The following SCHIP1 variants were observed in gnomAD, a reference collection of about 807,000 sequenced individuals.
SCHIP1 encodes schwannomin interacting protein 1, also known as schwannomin-interacting protein 1.
SCHIP1 carries 8 observed loss-of-function variants against 29.7 expected under a neutral mutation model. The observed-to-expected ratio is 0.27, with a 90% CI of 0.16 to 0.49. SCHIP1 has a LOEUF of 0.49. Among genes scored for constraint, SCHIP1 ranks in the 20% least tolerant of loss-of-function variants. The pLI is 0.99. For missense variants in SCHIP1, 193 were observed against 294.6 expected (o/e 0.66, Z 2.52); for synonymous variants, 76 against 94.9 (o/e 0.80, Z 1.16).
the SCHIP1 span, among the ~76,000 whole-genome samples, chr3:159,504,187 G>C: frequency 6.6e-5 from 10 of 152,158 alleles, no homozygotes; most frequent in Admixed American, 1.3e-4. Context: ...GTGAAAAGAT[G>C]AAATTATCAC....
At chr3:159,434,992 C>A in the SCHIP1 span, among the ~76,000 whole-genome samples, 1 of 152,096 alleles carries the variant, frequency 6.6e-6, no homozygotes, top group African/African-American at 2.4e-5. Context: ...TATCTATGAC[C>A]ACAGACCATG....
chr3:159,494,782 C>G, the SCHIP1 span, among the ~76,000 whole-genome samples: 1 of 152,106 alleles, frequency 6.6e-6, no homozygotes, highest in Admixed American at 6.5e-5. Context: ...GATAGCAAAG[C>G]CTGGCAGAGA....
chr3:159,628,135 G>T, the SCHIP1 span, among the ~76,000 whole-genome samples: 1 of 152,174 alleles, frequency 6.6e-6, no homozygotes, highest in African/African-American at 2.4e-5. Flanking sequence ...GTCTTGTAGA[G>T]CTGTGAGATC....
the SCHIP1 span, among the ~76,000 whole-genome samples, chr3:159,773,192 C>T: frequency 7.2e-5 from 11 of 152,188 alleles, 1 homozygote; most frequent in Admixed American, 6.5e-4. Flanking sequence ...TTGCTTGATG[C>T]TCCCTGTGCT....
the SCHIP1 span, among the ~76,000 whole-genome samples, chr3:159,586,146 G>A: frequency 6.6e-4 from 100 of 152,202 alleles, no homozygotes; most frequent in African/African-American, 2.0e-3. Context: ...AAAAAAATGT[G>A]TAAGGGATCA....
At chr3:159,309,416 T>C in the SCHIP1 span, among the ~76,000 whole-genome samples, 51,032 of 152,062 alleles carry the variant, frequency 0.34, 9,143 homozygotes, top group East Asian at 0.41. Context: ...GCTTCTGTGT[T>C]TCCTACTGCT....
the SCHIP1 span, among the ~76,000 whole-genome samples, chr3:159,310,527 A>G: frequency 2.0e-5 from 3 of 152,186 alleles, no homozygotes; most frequent in South Asian, 2.1e-4. Context: ...TGGCTTTTCC[A>G]AAGTATTTAA....
the SCHIP1 span, among the ~76,000 whole-genome samples, chr3:159,434,983 A>G: frequency 1.3e-5 from 2 of 152,132 alleles, no homozygotes; most frequent in Non-Finnish European, 2.9e-5. Context: ...AGAGTCAGTT[A>G]TCTATGACCA....
the SCHIP1 span, among the ~76,000 whole-genome samples, chr3:159,672,479 G>C: frequency 4.4e-3 from 665 of 152,292 alleles, 8 homozygotes; most frequent in Admixed American, 0.024. Context: ...GGAACTTAAA[G>C]CCCAGGTCAG....
the SCHIP1 span, among the ~76,000 whole-genome samples, chr3:159,477,304 C>G: frequency 1.3e-5 from 2 of 152,062 alleles, no homozygotes; most frequent in Admixed American, 6.6e-5. Flanking sequence ...GGATATATGA[C>G]AAGTAGTAAG....
the SCHIP1 span, among the ~76,000 whole-genome samples, chr3:159,515,961 T>C: frequency 6.8e-6 from 1 of 148,130 alleles, no homozygotes; most frequent in Admixed American, 6.8e-5. Context: ...AAGTGAAAAA[T>C]ACATAGCAAG....
At chr3:159,536,071 A>G in the SCHIP1 span, among the ~76,000 whole-genome samples, 4 of 152,218 alleles carry the variant, frequency 2.6e-5, no homozygotes, top group Admixed American at 2.6e-4. Flanking sequence ...CCATATTTCA[A>G]TTGCTCAATA....
the SCHIP1 span, among the ~76,000 whole-genome samples, chr3:159,626,230 CTAGATATATCTATCTATCTATA>C: frequency 6.2e-5 from 5 of 80,184 alleles, no homozygotes; most frequent in African/African-American, 5.0e-4. Context: ...ATATATATAT[CTAGATATATCTATCTATCTATA>C]TAGATAGATA....
At chr3:159,288,397 C>T in the SCHIP1 span, among the ~76,000 whole-genome samples, 1 of 152,166 alleles carries the variant, frequency 6.6e-6, no homozygotes, top group Non-Finnish European at 1.5e-5. Context: ...ATGAATATTA[C>T]CATTGAAATC....
chr3:159,495,088 G>A, the SCHIP1 span, among the ~76,000 whole-genome samples: 2 of 152,138 alleles, frequency 1.3e-5, no homozygotes, highest in Non-Finnish European at 1.5e-5. Context: ...AATAAGTTAG[G>A]CATTGATGGG....
the SCHIP1 span, among the ~76,000 whole-genome samples, chr3:159,373,383 T>C: frequency 1.3e-5 from 2 of 152,114 alleles, 1 homozygote; most frequent in Middle Eastern, 6.8e-3. Flanking sequence ...AATAATTAAA[T>C]CAAGCTAATA....
At chr3:159,365,754 C>T in the SCHIP1 span, among the ~76,000 whole-genome samples, 1 of 152,120 alleles carries the variant, frequency 6.6e-6, no homozygotes, top group Non-Finnish European at 1.5e-5. Context: ...TGCCCCTCAC[C>T]TCTAGTGACC....
chr3:159,876,881 A>T (rs1050305233), intron 2 of SCHIP1, among the ~76,000 whole-genome samples: 1 of 152,200 alleles, frequency 6.6e-6, no homozygotes, highest in African/African-American at 2.4e-5. Context: ...CTTCCAAGCC[A>T]TCGTCCCCCC....
chr3:159,532,013 G>A, the SCHIP1 span, among the ~76,000 whole-genome samples: 1 of 152,080 alleles, frequency 6.6e-6, no homozygotes, highest in African/African-American at 2.4e-5. Context: ...CAAAACAGAA[G>A]TATTGTTTTT....
Sources: allele counts gnomAD v4.1 joint callset (sites outside exome capture counted in the v4.1 genomes callset), GRCh38; gene constraint gnomAD v4.1.1; transcripts MANE v1.5; gene names NCBI Gene and HGNC (gene_info 2026-07-23, HGNC 2026-07-21).